The following STK3 variants were observed in gnomAD, a reference collection of about 807,000 sequenced individuals.
The protein encoded by STK3 is serine/threonine-protein kinase 3.
In STK3, 41 loss-of-function variants were observed where a neutral mutation model predicts 58.0. The ratio of observed to expected loss-of-function variants is 0.71; its 90% confidence interval spans 0.55 to 0.92. The LOEUF is 0.92. Ranked by LOEUF, STK3 falls within the 40% of genes least tolerant of loss-of-function variation. STK3 has a pLI of 0.00. For missense variants in STK3, 479 were observed against 602.7 expected (o/e 0.79, Z 2.15); for synonymous variants, 170 against 191.0 (o/e 0.89, Z 0.91).
chr8:98,706,967 A>T (rs1275430943), intron 5 of STK3, among the ~76,000 whole-genome samples, 180 bp downstream of exon 5: 1 of 152,226 alleles, frequency 6.6e-6, no homozygotes, highest in Non-Finnish European at 1.5e-5. Context: ...TTCACATTCA[A>T]TCACCCTAAA....
intron 1 of STK3, among the ~76,000 whole-genome samples, chr8:98,813,922 AT>A (rs1360436701): frequency 2.6e-5 from 4 of 152,242 alleles, no homozygotes; most frequent in Non-Finnish European, 1.5e-5. Context: ...TAAAATAAAA[AT>A]TAAAAATAAT....
intron 6 of STK3, among the ~76,000 whole-genome samples, chr8:98,629,946 C>T (rs1819053792): frequency 6.6e-6 from 1 of 152,142 alleles, no homozygotes; most frequent in African/African-American, 2.4e-5. Context: ...ATAATCACGC[C>T]AGGGCCAGGT....
chr8:98,505,835 T>G (rs949802376), intron 10 of STK3, among the ~76,000 whole-genome samples: 32 of 152,302 alleles, frequency 2.1e-4, no homozygotes, highest in African/African-American at 7.2e-4. Context: ...TGTCTCCCAG[T>G]TAGGCTACAC....
At chr8:98,437,544 C>A (rs1332772584) in intron 1 of STK3, 2 of 152,186 alleles carry the variant, frequency 1.3e-5, no homozygotes, top group Non-Finnish European at 2.9e-5. Context: ...ACTTAAAACT[C>A]TTTTTGTCGC....
chr8:98,385,523 G>C (rs1365997524), intron 1 of STK3, among the ~76,000 whole-genome samples: 1 of 152,154 alleles, frequency 6.6e-6, no homozygotes, highest in African/African-American at 2.4e-5. Flanking sequence ...ACACACAGCT[G>C]CAACCTCCTT....
At chr8:98,811,555 A>G (rs1469792199) in intron 1 of STK3, among the ~76,000 whole-genome samples, 1 of 151,978 alleles carries the variant, frequency 6.6e-6, no homozygotes, top group East Asian at 1.9e-4. Context: ...GAAAAAAAAA[A>G]AAAACCTCTT....
intron 10 of STK3, 120 bp downstream of exon 10, chr8:98,526,622 C>T (rs1825761136): frequency 1.3e-6 from 1 of 793,856 alleles, no homozygotes; most frequent in Non-Finnish European, 1.7e-6. Flanking sequence ...TGAATATTAA[C>T]ATATGGTCTA....
chr8:98,534,267 A>G (rs1442826742), intron 9 of STK3, among the ~76,000 whole-genome samples: 1 of 152,208 alleles, frequency 6.6e-6, no homozygotes, highest in Non-Finnish European at 1.5e-5. Context: ...TGGGACCCAA[A>G]TGGTACCCAC....
intron 6 of STK3, among the ~76,000 whole-genome samples, chr8:98,696,139 G>A (rs1419028169): frequency 6.6e-6 from 1 of 152,204 alleles, no homozygotes; most frequent in Non-Finnish European, 1.5e-5. Flanking sequence ...GTGAATGGGA[G>A]TTCACTCATG....
intron 1 of STK3, among the ~76,000 whole-genome samples, chr8:98,818,756 A>G (rs962925342): frequency 2.6e-5 from 4 of 152,220 alleles, no homozygotes; most frequent in African/African-American, 9.6e-5. Flanking sequence ...ATATACTCCT[A>G]TGATGTACTT....
intron 6 of STK3, among the ~76,000 whole-genome samples, chr8:98,681,360 A>G (rs780158553): frequency 4.6e-5 from 7 of 152,160 alleles, no homozygotes; most frequent in Non-Finnish European, 8.8e-5. Context: ...ATACAATAAG[A>G]GTTGACATAA....
chr8:98,467,548 ATG>A (rs61136775), intron 10 of STK3, among the ~76,000 whole-genome samples: 6,387 of 147,898 alleles, frequency 0.043, 392 homozygotes, highest in African/African-American at 0.14. Flanking sequence ...TATTTAAAAA[ATG>A]TGTGTGTGTG....
chr8:98,889,031 A>G (rs1838099196), intron 1 of STK3, among the ~76,000 whole-genome samples: 2 of 152,118 alleles, frequency 1.3e-5, no homozygotes, highest in African/African-American at 4.8e-5. Flanking sequence ...CACTACAAAC[A>G]CAGGAGAGAG....
chr8:98,886,104 T>C (rs1291619005), intron 1 of STK3, among the ~76,000 whole-genome samples: 1 of 152,206 alleles, frequency 6.6e-6, no homozygotes, highest in East Asian at 1.9e-4. Flanking sequence ...TGAATCTTTA[T>C]GGTAGAACAG....
chr8:98,782,171 G>T, intron 1 of STK3: 1 of 211,654 alleles, frequency 4.7e-6, no homozygotes, highest in South Asian at 8.3e-5. Context: ...TCCAGAAGCT[G>T]ATCAAAGATG....
At chr8:98,403,851 ACC>A (rs1324604877) in intron 3 of STK3, among the ~76,000 whole-genome samples, 4 of 152,168 alleles carry the variant, frequency 2.6e-5, no homozygotes, top group Non-Finnish European at 5.9e-5. Flanking sequence ...ATGGTGGGGC[ACC>A]CTCAGCCTCT....
At chr8:98,924,044 TTG>T (rs1469025648) in intron 1 of STK3, among the ~76,000 whole-genome samples, 1 of 151,920 alleles carries the variant, frequency 6.6e-6, no homozygotes, top group Admixed American at 6.6e-5. Flanking sequence ...CCTGAAAGAG[TTG>T]TCAGGCCTTC....
chr8:98,728,827 T>C (rs1827970195), intron 4 of STK3, among the ~76,000 whole-genome samples: 1 of 152,102 alleles, frequency 6.6e-6, no homozygotes, highest in East Asian at 1.9e-4. Flanking sequence ...ATCAAAAAGA[T>C]GTCTACTATT....
intron 10 of STK3, among the ~76,000 whole-genome samples, chr8:98,506,195 C>T (rs924290239): frequency 1.3e-5 from 2 of 152,250 alleles, no homozygotes; most frequent in African/African-American, 4.8e-5. Flanking sequence ...GGGCATGAGA[C>T]CCGCCAAGCC....
Sources: gnomAD v4.1 joint callset for allele counts (sites outside exome capture counted in the v4.1 genomes callset) on GRCh38, gnomAD v4.1.1 for gene constraint, MANE v1.5 for transcripts, NCBI Gene and HGNC (gene_info 2026-07-23, HGNC 2026-07-21) for gene names.